The following NOTCH2 variants were observed in gnomAD, a reference collection of about 807,000 sequenced individuals.
NOTCH2 encodes neurogenic locus notch homolog protein 2.
A neutral mutation model predicts 235.8 loss-of-function variants in NOTCH2; 29 were observed. That is an observed-to-expected ratio of 0.12 (90% CI 0.09 to 0.17). NOTCH2 has a LOEUF of 0.17. Among genes scored for constraint, NOTCH2 ranks in the 10% least tolerant of loss-of-function variants. The pLI, the probability that NOTCH2 is intolerant of heterozygous loss-of-function variation, is 1.00. For synonymous variants in NOTCH2, 1,086 were observed against 1,141.5 expected, an observed-to-expected ratio of 0.95 and a Z score of 0.98; for missense variants, 2,285 against 3,150.2, an observed-to-expected ratio of 0.73 and a Z score of 6.57.
At chr1:120,032,473 T>C (rs1553211107) in intron 1 of NOTCH2, among the ~76,000 whole-genome samples, 1 of 139,270 alleles carries the variant, frequency 7.2e-6, no homozygotes, top group Non-Finnish European at 1.5e-5. Context: ...TAGCAATCAA[T>C]CTAGCAAATA....
intron 3 of NOTCH2, among the ~76,000 whole-genome samples, chr1:120,002,749 T>C (rs1466735924): frequency 6.9e-6 from 1 of 145,316 alleles, no homozygotes; most frequent in South Asian, 2.3e-4. Flanking sequence ...TCCTTTCTCC[T>C]TTATCATGTG....
intron 4 of NOTCH2, 59 bp from the exon 5 acceptor site, chr1:119,987,141 C>T: frequency 6.2e-7 from 1 of 1,602,528 alleles, no homozygotes; most frequent in Admixed American, 1.7e-5. Context: ...ACGACCTGCT[C>T]TGTTCCCACA....
chr1:119,949,379 A>C (rs190282000), intron 15 of NOTCH2, among the ~76,000 whole-genome samples: 39 of 124,336 alleles, frequency 3.1e-4, no homozygotes, highest in Non-Finnish European at 2.6e-4. Flanking sequence ...CTACACTACT[A>C]TTTCTTTTTT....
chr1:119,953,111 T>C (rs1223972128), intron 14 of NOTCH2, among the ~76,000 whole-genome samples: 5 of 152,064 alleles, frequency 3.3e-5, no homozygotes, highest in African/African-American at 4.8e-5. Context: ...CAGGAGTTCA[T>C]GACCAGCCTA....
In NOTCH2 at chr1:120,069,347, C is replaced by T; in HGVS notation, c.60G>A (p.Ala20=). The T allele has an allele frequency of 6.4e-7, 1 of 1,570,372 alleles. No individual in the cohort carries two copies. Among genetic ancestry groups the T allele is most frequent in the Admixed American group, 1.7e-5 (1 of 57,494 alleles). The change falls in exon 1 of 34, where the codon GCG becomes GCA. Residue 20 remains alanine (A), a synonymous_variant. Transcript: ENST00000256646. ...CCCGATACTCACCATGCGCGGGGGC[C>T]GCGCAGCACAGCCAGAGCGCCAGCA... ...WALLALWLCC[A]APAHALQCRD...
chr1:119,979,250 T>C (rs1218667680), intron 5 of NOTCH2, among the ~76,000 whole-genome samples: 1 of 152,098 alleles, frequency 6.6e-6, no homozygotes, highest in Non-Finnish European at 1.5e-5. Flanking sequence ...TCAAGAGAGA[T>C]TTTAGCTTTG....
chr1:119,951,140 G>A (rs1553197757), intron 14 of NOTCH2, among the ~76,000 whole-genome samples: 1 of 152,082 alleles, frequency 6.6e-6, no homozygotes, highest in Non-Finnish European at 1.5e-5. Flanking sequence ...GCTTGTTGCA[G>A]GATCTATTTA....
Position 119,915,041 on chromosome 1 carries a change from G to C in NOTCH2, c.*265C>G. 1 of 522,926 alleles carries C rather than the reference G, an allele frequency of 1.9e-6. No individual in the cohort carries two copies. 32.4% of individuals were successfully genotyped at this position (522,926 alleles called of 1,614,324 possible). A position where few individuals can be genotyped will look rare whatever the true frequency, so the allele number is the denominator to read the frequency against. ...TCCATCTTATTCTCCAAATAGAAGAGAGTAAACATGGACCCAAGGCTTGTA... is the reference window on the plus strand; with the variant it reads ...TCCATCTTATTCTCCAAATAGAAGACAGTAAACATGGACCCAAGGCTTGTA... On this transcript the variant is annotated 3_prime_UTR_variant, in exon 34 of 34. Transcript: ENST00000256646.
intron 3 of NOTCH2, among the ~76,000 whole-genome samples, chr1:119,999,917 G>GAGAAAGAAAGAA (rs71260137): frequency 9.2e-4 from 84 of 91,176 alleles, no homozygotes; most frequent in East Asian, 1.5e-3. Flanking sequence ...GAGAAAGAGA[G>GAGAAAGAAAGAA]AGAAAGAAAG....
intron 2 of NOTCH2, among the ~76,000 whole-genome samples, chr1:120,011,448 T>C (rs1653188782): frequency 6.6e-6 from 1 of 152,204 alleles, no homozygotes; most frequent in Admixed American, 6.5e-5. Flanking sequence ...TGGTTTGGCG[T>C]ATTCCTCAGT....
At position 119,999,968 on chromosome 1, in the gene NOTCH2, AAAGAAAGAAAGGAAGG is replaced by A. The variant is rs1383193276; in HGVS notation, c.416-2652_416-2637del. ...GAAAGAAAGAAAGAAAGAAAGAAAG[AAAGAAAGAAAGGAAGG>A]AAGGAAGGAAGGAAGGAAGGAAGGA... is the stretch of plus-strand genomic sequence containing the variant. On this transcript the variant is annotated intron_variant, in intron 3 of 33. Transcript: ENST00000256646. 4.2e-3 allele frequency among the ~76,000 whole-genome samples: 421 copies of A among 101,200 alleles called. 1 individual carries two copies. Among genetic ancestry groups the A allele is most frequent in the African/African-American group, 0.014 (292 of 21,240 alleles). The allele number at this position is 101,200 out of a possible 152,430, so 66.4% of individuals were successfully genotyped here. A position where few individuals can be genotyped will look rare whatever the true frequency, so the allele number is the denominator to read the frequency against.
rs1249027711 is a variant in NOTCH2 at position 120,005,433 on chromosome 1, G to A, written c.311C>T (p.Ser104Leu). Residue 104 changes from serine to leucine, a missense_variant, in exon 3 of 34, where the codon TCA (serine) becomes TTA (leucine). Physicochemically the swap from Ser to Leu is moderately radical, Grantham distance 145. This residue lies in a region of NOTCH2 where 431 missense variants were observed against 757.8 expected (regional missense o/e 0.57). Transcript: ENST00000256646. ...AGACACAAAGCATGGATGAGATGTT[G>A]AGTACTGGCAGTCCTCTCCTGTAAA... Reference protein sequence around the residue: ...SGFTGEDCQYSTSHPCFVSRP... With the variant: ...SGFTGEDCQYLTSHPCFVSRP... The A allele has an allele frequency of 6.2e-7, 1 of 1,613,894 alleles. No homozygotes were observed. Among genetic ancestry groups the A allele is most frequent in the Non-Finnish European group, 8.5e-7 (1 of 1,179,880 alleles).
rs781837919 is a variant in NOTCH2, at chr1:119,955,135, G to A, written c.2124C>T (p.Cys708=). ...AGCTGGGGTGATGGGGTCCCTCGGG[G>A]CATATACAGCGGAAACCATTCACAC... is the stretch of plus-strand genomic sequence containing the variant. The part of the protein sequence containing the change: ...INGVNGFRCI[C]PEGPHHPSCY... Residue 708 remains cysteine (C), a synonymous_variant, in exon 13 of 34, where the codon TGC becomes TGT. Coordinates refer to ENST00000256646, the MANE Select transcript of NOTCH2 (RefSeq NM_024408.4). 3.1e-6 allele frequency: 5 copies of A among 1,614,124 alleles called. No individual in the cohort carries two copies. Among genetic ancestry groups the A allele is most frequent in the Non-Finnish European group, 4.2e-6 (5 of 1,180,018 alleles).
Position 119,915,383 on chromosome 1 carries a change from C to A in NOTCH2, c.7339G>T (p.Gly2447Cys). ...GGTCCCCGCTGACCTCCTCCAGCAC[C>A]CCCAGGGGTAGGGCTGGTGGTCACA... is the stretch of plus-strand genomic sequence containing the variant. ...SDVTTSPTPG[G>C]AGGGQRGPGT... Residue 2447 changes from glycine (G) to cysteine (C), a missense_variant, in exon 34 of 34, where the codon GGT (glycine) becomes TGT (cysteine). By Grantham distance (159) the Gly-to-Cys change is radical. This residue lies in a region of NOTCH2 where 504 missense variants were observed against 538.0 expected (regional missense o/e 0.94). Transcript: ENST00000256646. The A allele has an allele frequency of 6.2e-7, 1 of 1,614,140 alleles. No homozygotes were observed. Among genetic ancestry groups the A allele is most frequent in the Non-Finnish European group, 8.5e-7 (1 of 1,180,008 alleles).
At chr1:119,975,298 A>T (rs970108122) in intron 5 of NOTCH2, among the ~76,000 whole-genome samples, 2 of 152,190 alleles carry the variant, frequency 1.3e-5, no homozygotes, top group Non-Finnish European at 2.9e-5. Context: ...GGTCACCTCC[A>T]TGCTGATCTT....
intron 19 of NOTCH2, 131 bp from the exon 20 acceptor site, chr1:119,938,141 A>G: frequency 1.0e-6 from 1 of 979,240 alleles, no homozygotes; most frequent in Non-Finnish European, 1.5e-6. Context: ...TCATCTAGTA[A>G]AAGAGCCCTT....
intron 5 of NOTCH2, among the ~76,000 whole-genome samples, chr1:119,985,000 A>G (rs1387113987): frequency 1.3e-5 from 2 of 152,182 alleles, no homozygotes; most frequent in Non-Finnish European, 2.9e-5. Context: ...AATGGTGTCA[A>G]TGAAGACACA....
intron 22 of NOTCH2, chr1:119,935,251 A>G: frequency 6.9e-7 from 1 of 1,449,586 alleles, no homozygotes; most frequent in African/African-American, 1.4e-5. Flanking sequence ...GAATATCAAG[A>G]TGCCAAACAA....
rs587731827 is a variant in NOTCH2 at position 120,023,594 on chromosome 1, A to G, written c.155+6312T>C. Among the ~76,000 whole-genome samples, 91 of 123,528 alleles carry G rather than the reference A, an allele frequency of 7.4e-4. 2 individuals carry two copies. The highest frequency in any genetic ancestry group is 4.0e-3 in the African/African-American group (85 of 21,332). The allele number at this position is 123,528 out of a possible 152,430, so 81.0% of individuals were successfully genotyped here. A position where few individuals can be genotyped will look rare whatever the true frequency, so the allele number is the denominator to read the frequency against. ...TTATCTCCTTATTTAAAATTTTGAT[A>G]ATTTTCAACTTATTTTGCATTAATT... On this transcript the variant is annotated intron_variant, in intron 2 of 33. Coordinates refer to ENST00000256646, the MANE Select transcript of NOTCH2 (RefSeq NM_024408.4).
Sources: allele counts gnomAD v4.1 joint callset (sites outside exome capture counted in the v4.1 genomes callset), GRCh38; gene constraint gnomAD v4.1.1; regional missense constraint gnomAD v4.1.1; transcripts MANE v1.5; gene names NCBI Gene and HGNC (gene_info 2026-07-23, HGNC 2026-07-21).